The following PAPSS1 variants were observed in gnomAD, a reference collection of about 807,000 sequenced individuals.
PAPSS1 encodes the protein 3'-phosphoadenosine 5'-phosphosulfate synthase 1.
In PAPSS1, 50 loss-of-function variants were observed where a neutral mutation model predicts 72.0. That is an observed-to-expected ratio of 0.69 (90% CI 0.55 to 0.88). The LOEUF is 0.88. Among genes scored for constraint, PAPSS1 ranks in the 40% least tolerant of loss-of-function variants. PAPSS1 has a pLI of 0.00. For missense variants in PAPSS1, 657 were observed against 782.2 expected (o/e 0.84, Z 1.91); for synonymous variants, 261 against 263.6 (o/e 0.99, Z 0.09).
intron 5 of PAPSS1, among the ~76,000 whole-genome samples, chr4:107,671,044 A>G (rs535562686): frequency 6.6e-6 from 1 of 152,164 alleles, no homozygotes; most frequent in Non-Finnish European, 1.5e-5. Flanking sequence ...ATACAGTGTC[A>G]ATTTACCTTC....
chr4:107,695,823 A>G (rs1723050635), intron 2 of PAPSS1, among the ~76,000 whole-genome samples: 1 of 152,150 alleles, frequency 6.6e-6, no homozygotes, highest in Non-Finnish European at 1.5e-5. Flanking sequence ...AATTTTTGCA[A>G]TCTACCCATC....
At chr4:107,679,748 G>A (rs535500763) in intron 5 of PAPSS1, among the ~76,000 whole-genome samples, 2 of 149,916 alleles carry the variant, frequency 1.3e-5, no homozygotes, top group African/African-American at 5.0e-5. Context: ...GCGCAATCTC[G>A]GCTCACTGCA....
At chr4:107,646,682 C>T (rs968837326) in intron 9 of PAPSS1, among the ~76,000 whole-genome samples, 3 of 152,134 alleles carry the variant, frequency 2.0e-5, no homozygotes, top group African/African-American at 7.2e-5. Context: ...CAAGAACAGG[C>T]ACCGCCCTCC....
intron 5 of PAPSS1, among the ~76,000 whole-genome samples, chr4:107,675,907 C>T (rs962471283): frequency 2.6e-5 from 4 of 152,168 alleles, no homozygotes; most frequent in Non-Finnish European, 5.9e-5. Context: ...CATAATCCAG[C>T]ATATAAACAG....
chr4:107,720,068 T>A, intron 1 of PAPSS1, 52 bp downstream of exon 1: 2 of 1,583,836 alleles, frequency 1.3e-6, no homozygotes, highest in Non-Finnish European at 8.6e-7. Flanking sequence ...CGGAACGAGC[T>A]GCTCCCACAG....
intron 10 of PAPSS1, among the ~76,000 whole-genome samples, chr4:107,642,031 T>C (rs1726557003): frequency 1.3e-5 from 2 of 152,146 alleles, no homozygotes; most frequent in African/African-American, 2.4e-5. Context: ...ATATTACCAA[T>C]ATCATGAGTC....
At chr4:107,659,065 A>T (rs1244657159) in intron 6 of PAPSS1, among the ~76,000 whole-genome samples, 1 of 152,182 alleles carries the variant, frequency 6.6e-6, no homozygotes. Flanking sequence ...TATTCACTCC[A>T]TGCAGTCTGT....
rs780224220 is a variant in PAPSS1, at chr4:107,644,845, A to G, written c.1463T>C (p.Val488Ala). 7.4e-6 allele frequency: 12 copies of G among 1,613,760 alleles called. No individual in the cohort carries two copies. The highest frequency in any genetic ancestry group is 5.0e-5 in the Admixed American group (3 of 59,998). The change falls in exon 10 of 12, where the codon GTG (valine) becomes GCG (alanine). Residue 488 changes from valine (V) to alanine (A), a missense_variant. Val to Ala is a moderately conservative substitution (Grantham distance 64). This residue lies in a region of PAPSS1 where 166 missense variants were observed against 228.3 expected (regional missense o/e 0.73). Coordinates refer to ENST00000265174, the MANE Select transcript of PAPSS1 (RefSeq NM_005443.5). ...CATCATGGGAGATGGGAAGATGGCC[A>G]CCACTGTCGTCTCAGGATTCAGAAC... ...EGVLNPETTV[V>A]AIFPSPMMYA...
At chr4:107,677,008 T>A (rs1417990757) in intron 5 of PAPSS1, among the ~76,000 whole-genome samples, 1 of 152,164 alleles carries the variant, frequency 6.6e-6, no homozygotes, top group African/African-American at 2.4e-5. Flanking sequence ...CTGGATCCCT[T>A]CCTTACACCT....
At position 107,693,763 on chromosome 4, in the gene PAPSS1, C is replaced by A. The variant is rs762048736; in HGVS notation, c.411+8G>T. On this transcript the variant is annotated splice_region_variant and intron_variant, in intron 3 of 11. Coordinates refer to ENST00000265174, the MANE Select transcript of PAPSS1 (RefSeq NM_005443.5). The stretch of plus-strand genomic sequence containing the variant: ...AAGCAGAAAGGCAATGGCACAAAAA[C>A]CACATACCTGAGTGTAAGGTGATAT... 2.0e-5 allele frequency: 32 copies of A among 1,599,970 alleles called. No individual in the cohort carries two copies. Among genetic ancestry groups the A allele is most frequent in the Non-Finnish European group, 2.5e-5 (29 of 1,167,406 alleles).
At position 107,646,292 on chromosome 4, in the gene PAPSS1, GAT is replaced by G. The variant is rs527908552; in HGVS notation, c.1238-1224_1238-1223del. On this transcript the variant is annotated intron_variant, in intron 9 of 11. Coordinates refer to ENST00000265174, the MANE Select transcript of PAPSS1 (RefSeq NM_005443.5). The stretch of plus-strand genomic sequence containing the variant: ...ATCCCTTTTGACCACTAGAACTACA[GAT>G]ATATATATATATATATACACACACA... Among the ~76,000 whole-genome samples, 210 of 142,784 alleles carry G rather than the reference GAT, an allele frequency of 1.5e-3. 1 individual carries two copies. The highest frequency in any genetic ancestry group is 4.3e-3 in the South Asian group (19 of 4,462). The allele number at this position is 142,784 out of a possible 152,430, so 93.7% of individuals were successfully genotyped here.
intron 11 of PAPSS1, among the ~76,000 whole-genome samples, chr4:107,615,147 A>G (rs952002852): frequency 5.9e-5 from 9 of 152,130 alleles, no homozygotes; most frequent in Non-Finnish European, 1.3e-4. Context: ...ACAAGACACA[A>G]CAGAGGTAGT....
rs1725754385 is a variant in PAPSS1 at position 107,613,925 on chromosome 4, G to A, written c.*324C>T. On this transcript the variant is annotated 3_prime_UTR_variant, in exon 12 of 12. Coordinates refer to ENST00000265174, the MANE Select transcript of PAPSS1 (RefSeq NM_005443.5). ...AAGGGGAAAAAAAGCAAGATTTAATGTGAATACTACTGGTTACAACTAATA... is the reference window on the plus strand; with the variant it reads ...AAGGGGAAAAAAAGCAAGATTTAATATGAATACTACTGGTTACAACTAATA... 1 of 169,380 alleles carries A rather than the reference G, an allele frequency of 5.9e-6. No homozygotes were observed. The highest frequency in any genetic ancestry group is 2.4e-5 in the African/African-American group (1 of 42,024). 10.5% of individuals were successfully genotyped at this position (169,380 alleles called of 1,614,324 possible).
chr4:107,637,552 T>C (rs759452849), intron 10 of PAPSS1, among the ~76,000 whole-genome samples: 15 of 152,328 alleles, frequency 9.8e-5, no homozygotes, highest in Non-Finnish European at 1.2e-4. Flanking sequence ...TTTCAATTTT[T>C]CTGAATTAAA....
At chr4:107,623,862 C>T (rs1578380643) in intron 11 of PAPSS1, among the ~76,000 whole-genome samples, 1 of 152,344 alleles carries the variant, frequency 6.6e-6, no homozygotes, top group South Asian at 2.1e-4. Flanking sequence ...TTTGGCCTCA[C>T]AGTTCTTATC....
At chr4:107,660,918 A>T (rs1560575841) in intron 5 of PAPSS1, among the ~76,000 whole-genome samples, 1 of 152,232 alleles carries the variant, frequency 6.6e-6, no homozygotes, top group Non-Finnish European at 1.5e-5. Context: ...GATTGAGAAG[A>T]TAAGCCAGAC....
intron 1 of PAPSS1, among the ~76,000 whole-genome samples, chr4:107,703,973 T>G (rs1413426661): frequency 6.6e-6 from 1 of 152,240 alleles, no homozygotes; most frequent in African/African-American, 2.4e-5. Context: ...ATTCTTTCAA[T>G]CCATGAATAC....
At chr4:107,714,097 A>T (rs1723575057) in intron 1 of PAPSS1, among the ~76,000 whole-genome samples, 1 of 152,062 alleles carries the variant, frequency 6.6e-6, no homozygotes, top group African/African-American at 2.4e-5. Flanking sequence ...TTTAGCAGAA[A>T]TCCCCCATCC....
chr4:107,710,309 T>G (rs886417614), intron 1 of PAPSS1, among the ~76,000 whole-genome samples: 10 of 152,206 alleles, frequency 6.6e-5, no homozygotes, highest in Non-Finnish European at 1.5e-4. Context: ...GGGTGCTTTG[T>G]AGAAAAATAT....
Sources: allele counts gnomAD v4.1 joint callset (sites outside exome capture counted in the v4.1 genomes callset), GRCh38; gene constraint gnomAD v4.1.1; regional missense constraint gnomAD v4.1.1; transcripts MANE v1.5; gene names NCBI Gene and HGNC (gene_info 2026-07-23, HGNC 2026-07-21).